AKR1B15: variants seen among roughly 807,000 people sequenced by gnomAD.
AKR1B15 encodes the protein aldo-keto reductase family 1 member B15, also known as estradiol 17-beta-dehydrogenase AKR1B15.
In AKR1B15, 49 loss-of-function variants were observed where a neutral mutation model predicts 38.5. That is an observed-to-expected ratio of 1.27 (90% CI 1.01 to 1.62). The LOEUF (loss-of-function observed/expected upper bound fraction) is 1.62. Among genes scored for constraint, AKR1B15 ranks in the 40% most tolerant of loss-of-function variants. AKR1B15 has a pLI of 0.00. For missense variants in AKR1B15, 411 were observed against 381.6 expected (o/e 1.08, Z -0.64); for synonymous variants, 137 against 135.5 (o/e 1.01, Z -0.08).
At chr7:134,560,198 C>A (rs1034632983) in intron 2 of AKR1B15, among the ~76,000 whole-genome samples, 23 of 152,174 alleles carry the variant, frequency 1.5e-4, no homozygotes, top group African/African-American at 5.6e-4. Context: ...CCCGTCCTGG[C>A]CTTGAGACTT....
chr7:134,556,365 T>C (rs964767830), intron 1 of AKR1B15, among the ~76,000 whole-genome samples: 2 of 152,120 alleles, frequency 1.3e-5, no homozygotes, highest in Non-Finnish European at 2.9e-5. Flanking sequence ...CAAACCCCCA[T>C]ATTATGTTGG....
intron 11 of AKR1B15, among the ~76,000 whole-genome samples, chr7:134,579,166 A>G (rs1794826589): frequency 1.3e-5 from 2 of 152,160 alleles, no homozygotes; most frequent in African/African-American, 4.8e-5. Flanking sequence ...TACTCATAAC[A>G]ATCCCCAAGC....
chr7:134,556,038 T>G (rs1020948848), intron 1 of AKR1B15, among the ~76,000 whole-genome samples: 2 of 152,192 alleles, frequency 1.3e-5, no homozygotes, highest in African/African-American at 4.8e-5. Context: ...CTAGTTTAAC[T>G]CAATGGTATT....
intron 1 of AKR1B15, among the ~76,000 whole-genome samples, chr7:134,553,704 T>A (rs1314269549): frequency 1.3e-5 from 2 of 152,326 alleles, no homozygotes; most frequent in African/African-American, 4.8e-5. Context: ...TCCCACAAGG[T>A]GTTTAAATCC....
intron 7 of AKR1B15, 46 bp downstream of exon 7, chr7:134,575,588 C>A (rs753526051): frequency 6.2e-7 from 1 of 1,609,930 alleles, no homozygotes; most frequent in Non-Finnish European, 8.5e-7. Flanking sequence ...CCTATTACTT[C>A]TTAAACATTG....
chr7:134,571,541 T>C (rs1290625624), intron 5 of AKR1B15, 63 bp from the exon 6 acceptor site: 2 of 1,318,396 alleles, frequency 1.5e-6, no homozygotes, highest in South Asian at 1.2e-5. Flanking sequence ...TCCTGAAACC[T>C]TGTTGAACAG....
rs189618112 is a variant in AKR1B15, at chr7:134,577,134, C to T, written c.909+88C>T. On this transcript the variant is annotated intron_variant, in intron 10 of 11. Coordinates refer to ENST00000457545, the MANE Select transcript of AKR1B15 (RefSeq NM_001080538.3). ...CACTAGGCTTCTCACCTCATCCCTGCACTGTCTTTGGCCCCCTCCTTCCCC... is the reference window on the plus strand; with the variant it reads ...CACTAGGCTTCTCACCTCATCCCTGTACTGTCTTTGGCCCCCTCCTTCCCC... 1.9e-4 allele frequency: 258 copies of T among 1,356,850 alleles called. 1 individual carries two copies. Among genetic ancestry groups the T allele is most frequent in the Admixed American group, 5.4e-4 (31 of 57,932 alleles). 84.1% of individuals were successfully genotyped at this position (1,356,850 alleles called of 1,614,324 possible). A position where few individuals can be genotyped will look rare whatever the true frequency, so the allele number is the denominator to read the frequency against.
chr7:134,553,107 A>C (rs1180475326), intron 1 of AKR1B15, among the ~76,000 whole-genome samples: 3 of 152,162 alleles, frequency 2.0e-5, no homozygotes, highest in Non-Finnish European at 4.4e-5. Flanking sequence ...TGAAGGAAAA[A>C]GGGCACTCAC....
Position 134,571,616 on chromosome 7 carries a change from T to C in AKR1B15, c.448T>C (p.Phe150Leu), listed in dbSNP as rs1288901474. 3 of 1,609,400 alleles carry C rather than the reference T, an allele frequency of 1.9e-6. No homozygotes were observed. The highest frequency in any genetic ancestry group is 1.1e-5 in the South Asian group (1 of 90,680). ...TCTGTATTTACAGACTGGGGATGAC[T>C]TTTTCCCCAAAGATGATAAAGGTAA... ...WPQGFKTGDD[F>L]FPKDDKGNMI... Residue 150 changes from phenylalanine (F) to leucine (L), a missense_variant, in exon 6 of 12, where the codon TTT becomes CTT. Coordinates refer to ENST00000457545, the MANE Select transcript of AKR1B15 (RefSeq NM_001080538.3).
At chr7:134,558,204 T>TA (rs1260881516) in intron 2 of AKR1B15, among the ~76,000 whole-genome samples, 14 of 152,210 alleles carry the variant, frequency 9.2e-5, no homozygotes, top group Middle Eastern at 3.4e-3. Context: ...GCTTAACATG[T>TA]AAAAAAAGCT....
chr7:134,571,355 T>C (rs1168565801), intron 5 of AKR1B15, among the ~76,000 whole-genome samples: 1 of 152,204 alleles, frequency 6.6e-6, no homozygotes, highest in African/African-American at 2.4e-5. Context: ...GTGATAATGG[T>C]GGCTTCTGGA....
chr7:134,579,456 T>A (rs1352746605), intron 11 of AKR1B15, 51 bp from the exon 12 acceptor site: 8 of 1,472,738 alleles, frequency 5.4e-6, no homozygotes, highest in Non-Finnish European at 1.8e-6. Context: ...TCAGCGAGAG[T>A]TGTTGCTTTG....
At chr7:134,579,134 C>T (rs546229227) in intron 11 of AKR1B15, among the ~76,000 whole-genome samples, 1 of 152,198 alleles carries the variant, frequency 6.6e-6, no homozygotes, top group East Asian at 1.9e-4. Flanking sequence ...GAGCCCTTTT[C>T]CGGTGGTATT....
chr7:134,562,859 T>C (rs1259351982), intron 2 of AKR1B15, among the ~76,000 whole-genome samples: 1 of 143,924 alleles, frequency 6.9e-6, no homozygotes, highest in South Asian at 2.2e-4. Context: ...TCTTTCTTTC[T>C]TTCTTTCTTT....
intron 3 of AKR1B15, among the ~76,000 whole-genome samples, chr7:134,567,490 G>A (rs1467504101): frequency 6.6e-6 from 1 of 152,008 alleles, no homozygotes; most frequent in African/African-American, 2.4e-5. Context: ...CAGGTAATGT[G>A]GTTAACTTAA....
At chr7:134,564,562 T>C (rs1794490006) in intron 2 of AKR1B15, 36 bp from the exon 3 acceptor site, 1 of 672,968 alleles carries the variant, frequency 1.5e-6, no homozygotes, top group Admixed American at 2.1e-5. Context: ...TTGGGCCCTG[T>C]ATTTTTAACC....
chr7:134,579,125 A>C (rs1794825854), intron 11 of AKR1B15, among the ~76,000 whole-genome samples: 1 of 152,180 alleles, frequency 6.6e-6, no homozygotes, highest in African/African-American at 2.4e-5. Flanking sequence ...CAGGGTCCTG[A>C]GCCCTTTTCC....
intron 6 of AKR1B15, among the ~76,000 whole-genome samples, chr7:134,574,682 T>G (rs4732039): frequency 0.049 from 7,430 of 152,342 alleles, 282 homozygotes; most frequent in East Asian, 0.13. Context: ...TGGAGGCTGC[T>G]GCTAACATAT....
At chr7:134,579,079 C>G (rs969818914) in intron 11 of AKR1B15, among the ~76,000 whole-genome samples, 2 of 152,184 alleles carry the variant, frequency 1.3e-5, no homozygotes, top group African/African-American at 4.8e-5. Flanking sequence ...ATACTAATCG[C>G]AGCTAACATC....
Sources: allele counts gnomAD v4.1 joint callset (sites outside exome capture counted in the v4.1 genomes callset), GRCh38; gene constraint gnomAD v4.1.1; transcripts MANE v1.5; gene names NCBI Gene and HGNC (gene_info 2026-07-23, HGNC 2026-07-21).